The following ABCC2 variants were observed in gnomAD, a reference collection of about 807,000 sequenced individuals.
ABCC2 encodes ATP-binding cassette sub-family C member 2.
A neutral mutation model predicts 173.4 loss-of-function variants in ABCC2; 157 were observed. The ratio of observed to expected loss-of-function variants is 0.91; its 90% confidence interval spans 0.80 to 1.03. ABCC2 has a LOEUF of 1.03. ABCC2 is among the 50% of genes least tolerant of loss of function. ABCC2 has a pLI of 0.00. For synonymous variants in ABCC2, 657 were observed against 693.5 expected (o/e 0.95, Z 0.83); for missense variants, 1,822 against 1,852.3 (o/e 0.98, Z 0.30).
chr10:99,819,093 G>A lies in ABCC2; in HGVS notation c.2444G>A (p.Arg815Gln), dbSNP rs2038478256. 10 of 1,613,960 alleles carry A rather than the reference G, an allele frequency of 6.2e-6. No homozygotes were observed. The highest frequency in any genetic ancestry group is 2.2e-5 in the East Asian group (1 of 44,880). Residue 815 changes from arginine to glutamine, a missense_variant, in exon 19 of 32, where the codon CGA becomes CAA. Transcript: ENST00000647814. ...AACTTCATATTATTTTTATAGACTC[G>A]ACTCTTGGTTACACATAGCATGCAC... The part of the protein sequence containing the change: ...GPNGLLKGKT[R>Q]LLVTHSMHFL...
In ABCC2 at chr10:99,843,816, C is replaced by A; in HGVS notation, c.3759C>A (p.Asn1253Lys). The A allele has an allele frequency of 6.2e-7, 1 of 1,614,036 alleles. No homozygotes were observed. Among genetic ancestry groups the A allele is most frequent in the African/African-American group, 1.3e-5 (1 of 75,014 alleles). The change falls in exon 27 of 32, where the codon AAC (asparagine) becomes AAA (lysine). Residue 1253 changes from asparagine (N) to lysine (K), a missense_variant. Coordinates refer to ENST00000647814, the MANE Select transcript of ABCC2 (RefSeq NM_000392.5). ...SNALNITQTL[N>K]WLVRMTSEIE... ...TTCTGTAGATCACACAAACCCTGAA[C>A]TGGCTGGTGAGGATGACATCAGAAA...
At chr10:99,844,260 G>A (rs879812364) in intron 27 of ABCC2, 62 bp from the exon 28 acceptor site, 112 of 1,600,140 alleles carry the variant, frequency 7.0e-5, no homozygotes, top group Non-Finnish European at 9.0e-5. Flanking sequence ...CGAGTCCTGG[G>A]TGGACTGTTC....
intron 16 of ABCC2, among the ~76,000 whole-genome samples, chr10:99,815,766 CT>C (rs1451300387): frequency 6.6e-6 from 1 of 152,158 alleles, no homozygotes; most frequent in East Asian, 1.9e-4. Flanking sequence ...TAAGAACCAG[CT>C]GTTCTACCAT....
intron 6 of ABCC2, among the ~76,000 whole-genome samples, chr10:99,795,747 G>T (rs1479733533): frequency 1.3e-5 from 1 of 79,398 alleles, no homozygotes; most frequent in Admixed American, 1.2e-4. Context: ...AGGAAAGAAA[G>T]AAAGAAAGAA....
rs2039075000 is a variant in ABCC2 at position 99,850,649 on chromosome 10, A to T, written c.4361A>T (p.Lys1454Ile). 6.2e-7 allele frequency: 1 copy of T among 1,614,106 alleles called. No individual in the cohort carries two copies. Among genetic ancestry groups the T allele is most frequent in the African/African-American group, 1.3e-5 (1 of 74,934 alleles). ...TGCCTGGGCAGGGCTCTGCTTCGGA[A>T]ATCCAAGATCCTGGTCCTGGATGAG... The part of the protein sequence containing the change: ...LLCLGRALLR[K>I]SKILVLDEAT... The change falls in exon 31 of 32, where the codon AAA (lysine) becomes ATA (isoleucine). Residue 1454 changes from lysine (K) to isoleucine (I), a missense_variant. Physicochemically the swap from Lys to Ile is moderately radical, Grantham distance 102. Coordinates refer to ENST00000647814, the MANE Select transcript of ABCC2 (RefSeq NM_000392.5).
At chr10:99,814,908 A>T (rs1438939874) in intron 16 of ABCC2, among the ~76,000 whole-genome samples, 2 of 150,976 alleles carry the variant, frequency 1.3e-5, no homozygotes, top group Non-Finnish European at 3.0e-5. Context: ...GGTTCAAGCA[A>T]TTCTCCTGCC....
chr10:99,814,153 G>A (rs372785576), intron 16 of ABCC2, among the ~76,000 whole-genome samples: 3,050 of 27,882 alleles, frequency 0.11, 618 homozygotes, highest in Middle Eastern at 0.17. Flanking sequence ...ACACATGTAT[G>A]TATACACACG....
intron 27 of ABCC2, 63 bp downstream of exon 27, chr10:99,843,963 G>A: frequency 1.5e-6 from 2 of 1,330,804 alleles, no homozygotes; most frequent in South Asian, 1.2e-5. Flanking sequence ...CTTCGAGAGT[G>A]CATCTTTAGA....
At chr10:99,831,032 T>G (rs958568805) in intron 21 of ABCC2, among the ~76,000 whole-genome samples, 181 bp downstream of exon 21, 4 of 152,206 alleles carry the variant, frequency 2.6e-5, no homozygotes, top group African/African-American at 9.7e-5. Flanking sequence ...CAAGTCATAT[T>G]TCCATAAAGA....
intron 20 of ABCC2, 67 bp from the exon 21 acceptor site, chr10:99,830,649 G>A: frequency 6.2e-7 from 1 of 1,609,838 alleles, no homozygotes; most frequent in Admixed American, 1.7e-5. Context: ...CTGAGTGACT[G>A]TGACATCTGC....
intron 6 of ABCC2, among the ~76,000 whole-genome samples, chr10:99,796,703 AAAC>A (rs1026989988): frequency 2.6e-5 from 4 of 152,048 alleles, no homozygotes; most frequent in East Asian, 3.9e-4. Context: ...CACAAAAAAC[AAAC>A]AACAACAACA....
At position 99,830,806 on chromosome 10, in the gene ABCC2, G is replaced by C; in HGVS notation, c.2838G>C (p.Val946=). The C allele has an allele frequency of 6.2e-7, 1 of 1,614,092 alleles. No homozygotes were observed. The highest frequency in any genetic ancestry group is 8.5e-7 in the Non-Finnish European group (1 of 1,180,012). ...VNSLKEDEEL[V]KGQKLIKKEF... ...GCCTGAAGGAAGACGAAGAACTAGT[G>C]AAAGGACAAAAACTAATTAAGAAGG... Residue 946 remains valine, a synonymous_variant, in exon 21 of 32, where the codon GTG becomes GTC. Coordinates refer to ENST00000647814, the MANE Select transcript of ABCC2 (RefSeq NM_000392.5).
chr10:99,810,879 C>T (rs1219284149), intron 14 of ABCC2, among the ~76,000 whole-genome samples: 1 of 151,986 alleles, frequency 6.6e-6, no homozygotes, highest in Non-Finnish European at 1.5e-5. Flanking sequence ...ACAAAATTAG[C>T]TGAGTGTGGT....
At chr10:99,835,254 TG>T (rs533056468) in intron 24 of ABCC2, among the ~76,000 whole-genome samples, 32 of 152,286 alleles carry the variant, frequency 2.1e-4, no homozygotes, top group African/African-American at 7.2e-4. Context: ...GGCCTGCGAT[TG>T]GCGGCTCGCC....
chr10:99,792,468 C>A, intron 3 of ABCC2, 109 bp downstream of exon 3: 1 of 1,532,144 alleles, frequency 6.5e-7, no homozygotes. Context: ...CTGTCTTTTT[C>A]GCGGGATCCA....
At chr10:99,815,714 T>G (rs2038396546) in intron 16 of ABCC2, among the ~76,000 whole-genome samples, 1 of 152,150 alleles carries the variant, frequency 6.6e-6, no homozygotes, top group Non-Finnish European at 1.5e-5. Flanking sequence ...ATGAGAATGC[T>G]TCCTCCAATT....
At chr10:99,817,236 C>A in intron 16 of ABCC2, 72 bp from the exon 17 acceptor site, 1 of 1,469,844 alleles carries the variant, frequency 6.8e-7, no homozygotes, top group South Asian at 1.1e-5. Flanking sequence ...TTCCCCTCTC[C>A]AGCCACCCCG....
chr10:99,794,996 G>T (rs1365955925), intron 6 of ABCC2, among the ~76,000 whole-genome samples: 1 of 152,148 alleles, frequency 6.6e-6, no homozygotes, highest in African/African-American at 2.4e-5. Context: ...GTTTTTGGTA[G>T]CCTAGGGGTC....
At chr10:99,814,656 C>T (rs9943464) in intron 16 of ABCC2, among the ~76,000 whole-genome samples, 1,707 of 82,132 alleles carry the variant, frequency 0.021, 169 homozygotes, top group African/African-American at 0.081. Context: ...TATACACACA[C>T]ATATGTGTAT....
Sources: allele counts gnomAD v4.1 joint callset (sites outside exome capture counted in the v4.1 genomes callset), GRCh38; gene constraint gnomAD v4.1.1; transcripts MANE v1.5; gene names NCBI Gene and HGNC (gene_info 2026-07-23, HGNC 2026-07-21).